Variants in NRXN1 observed in about 807,000 individuals in gnomAD.
NRXN1 encodes the protein neurexin 1.
In NRXN1, 39 loss-of-function variants were observed where a neutral mutation model predicts 150.9. The observed-to-expected ratio is 0.26, with a 90% CI of 0.20 to 0.34. The LOEUF (loss-of-function observed/expected upper bound fraction) is 0.34, where lower values mean the gene tolerates loss of function less well. Among genes scored for constraint, NRXN1 ranks in the 10% least tolerant of loss-of-function variants. The pLI, the probability that NRXN1 is intolerant of heterozygous loss-of-function variation, is 1.00. For synonymous variants in NRXN1, 924 were observed against 757.0 expected (o/e 1.22, Z -3.62); for missense variants, 1,815 against 1,949.9 (o/e 0.93, Z 1.30).
At chr2:49,927,681 T>C (rs190295121) in intron 22 of NRXN1, among the ~76,000 whole-genome samples, 100 of 152,338 alleles carry the variant, frequency 6.6e-4, no homozygotes, top group Middle Eastern at 6.8e-3. Flanking sequence ...CTCTGCATGA[T>C]AAATGGTGTT....
chr2:50,788,098 CTT>C (rs35777257), intron 5 of NRXN1, among the ~76,000 whole-genome samples: 3 of 144,730 alleles, frequency 2.1e-5, no homozygotes, highest in Admixed American at 7.0e-5. Flanking sequence ...CCCTCGCCAC[CTT>C]TTTTTTTTTT....
intron 17 of NRXN1, among the ~76,000 whole-genome samples, chr2:50,399,707 G>T (rs2082271346): frequency 7.1e-6 from 1 of 140,712 alleles, no homozygotes; most frequent in Admixed American, 7.3e-5. Context: ...GTGCATTCAG[G>T]TGTTTTTGAA....
At chr2:50,740,457 T>C (rs957970382) in intron 5 of NRXN1, among the ~76,000 whole-genome samples, 8 of 152,190 alleles carry the variant, frequency 5.3e-5, no homozygotes. Flanking sequence ...ATGCTGAAGA[T>C]GGCAGAGTGA....
intron 5 of NRXN1, among the ~76,000 whole-genome samples, chr2:50,679,988 T>C (rs1294830229): frequency 2.0e-5 from 3 of 148,012 alleles, no homozygotes; most frequent in African/African-American, 7.4e-5. Flanking sequence ...AAAAATTAGC[T>C]GGGCATAGTG....
chr2:49,920,345 A>ATGAT lies in NRXN1; in HGVS notation c.*1598_*1599insATCA, dbSNP rs1667979348. Reference sequence around the variant, plus strand: ...TCCAGAAATGTTCATCATGCACATCAGATTCAGAGATATATATATTATTTT... The same window carrying ATGAT: ...TCCAGAAATGTTCATCATGCACATCATGATGATTCAGAGATATATATATTATTTT... On this transcript the variant is annotated 3_prime_UTR_variant, in exon 23 of 23. Transcript: ENST00000401669. 6.6e-6 allele frequency: 1 copy of ATGAT among 152,584 alleles called. No homozygotes were observed. Among genetic ancestry groups the ATGAT allele is most frequent in the East Asian group, 1.9e-4 (1 of 5,182 alleles). The allele number at this position is 152,584 out of a possible 1,614,324, so 9.5% of individuals were successfully genotyped here.
chr2:50,877,778 G>A (rs1190655913), intron 5 of NRXN1, among the ~76,000 whole-genome samples: 1 of 151,882 alleles, frequency 6.6e-6, no homozygotes, highest in Non-Finnish European at 1.5e-5. Flanking sequence ...AGTGTAACTT[G>A]TTGCAGGGTT....
chr2:50,130,465 A>C (rs1705309498), intron 18 of NRXN1, among the ~76,000 whole-genome samples: 1 of 152,166 alleles, frequency 6.6e-6, no homozygotes, highest in South Asian at 2.1e-4. Flanking sequence ...CACCTCCTCA[A>C]GTACAAGAGC....
chr2:50,494,757 G>A (rs1293557377), intron 15 of NRXN1, among the ~76,000 whole-genome samples: 2 of 152,274 alleles, frequency 1.3e-5, no homozygotes, highest in African/African-American at 4.8e-5. Flanking sequence ...TTGAGGCTGG[G>A]TGCAGTGGCT....
chr2:50,110,652 A>C (rs1489063284), intron 18 of NRXN1, among the ~76,000 whole-genome samples: 1 of 152,152 alleles, frequency 6.6e-6, no homozygotes, highest in Admixed American at 6.5e-5. Flanking sequence ...AGTCCTAGAC[A>C]ATAAAAAATT....
chr2:49,974,169 C>G (rs1305633158), intron 21 of NRXN1: 1 of 711,506 alleles, frequency 1.4e-6, no homozygotes, highest in Non-Finnish European at 2.6e-6. Context: ...CTATCAGTGC[C>G]CTGCACACAG....
chr2:50,451,683 A>T (rs1271021010), intron 17 of NRXN1, among the ~76,000 whole-genome samples: 2 of 152,222 alleles, frequency 1.3e-5, no homozygotes, highest in African/African-American at 4.8e-5. Flanking sequence ...ATTTTATTCA[A>T]TACTGAGATA....
chr2:50,215,120 T>A (rs1432642461), intron 18 of NRXN1, among the ~76,000 whole-genome samples: 2 of 152,048 alleles, frequency 1.3e-5, no homozygotes, highest in Non-Finnish European at 2.9e-5. Flanking sequence ...TTATTTTATC[T>A]GATACAGACT....
chr2:49,943,558 G>A, intron 22 of NRXN1, 146 bp downstream of exon 22: 1 of 660,018 alleles, frequency 1.5e-6, no homozygotes, highest in Non-Finnish European at 2.7e-6. Context: ...AAAAATTTAT[G>A]TAAAAAATAA....
chr2:50,563,677 T>C (rs1208763135), intron 8 of NRXN1, among the ~76,000 whole-genome samples: 1 of 152,230 alleles, frequency 6.6e-6, no homozygotes, highest in Non-Finnish European at 1.5e-5. Flanking sequence ...TCTGAATGTT[T>C]GCCTCCAGAG....
intron 8 of NRXN1, among the ~76,000 whole-genome samples, chr2:50,559,662 A>G (rs1289920160): frequency 2.0e-5 from 3 of 152,166 alleles, no homozygotes; most frequent in Admixed American, 6.5e-5. Context: ...CAGATACACT[A>G]TATGTCAAAT....
intron 21 of NRXN1, among the ~76,000 whole-genome samples, chr2:50,026,335 A>G (rs1195634127): frequency 6.6e-6 from 1 of 152,194 alleles, no homozygotes; most frequent in Non-Finnish European, 1.5e-5. Context: ...TCTCAATGTC[A>G]GGAGGTTTGC....
intron 1 of NRXN1, among the ~76,000 whole-genome samples, chr2:51,030,269 C>G (rs1671280159): frequency 6.6e-6 from 1 of 152,012 alleles, no homozygotes; most frequent in African/African-American, 2.4e-5. Flanking sequence ...TATATATACA[C>G]CATACACACA....
intron 19 of NRXN1, among the ~76,000 whole-genome samples, chr2:50,078,375 A>G (rs1343062440): frequency 1.3e-5 from 1 of 79,044 alleles, no homozygotes; most frequent in Non-Finnish European, 2.6e-5. Flanking sequence ...CTCTTATTTC[A>G]AAAAAAAAAA....
At chr2:49,991,425 A>G (rs1372020904) in intron 21 of NRXN1, among the ~76,000 whole-genome samples, 1 of 152,156 alleles carries the variant, frequency 6.6e-6, no homozygotes, top group Non-Finnish European at 1.5e-5. Flanking sequence ...TCTTTCATAT[A>G]TACCAACAAT....
Sources: allele counts gnomAD v4.1 joint callset (sites outside exome capture counted in the v4.1 genomes callset), GRCh38; gene constraint gnomAD v4.1.1; transcripts MANE v1.5; gene names NCBI Gene and HGNC (gene_info 2026-07-23, HGNC 2026-07-21).